CTNNA3: variants seen among roughly 807,000 people sequenced by gnomAD.
CTNNA3 encodes catenin alpha-3.
Under a neutral mutation model 95.7 loss-of-function variants are expected in CTNNA3, and 76 were observed. That is an observed-to-expected ratio of 0.79 (90% CI 0.66 to 0.96). The LOEUF is 0.96. CTNNA3 is among the 40% of genes least tolerant of loss of function. The pLI, the probability that CTNNA3 is intolerant of heterozygous loss-of-function variation, is 0.00. For missense variants in CTNNA3, 1,191 were observed against 1,089.8 expected, an observed-to-expected ratio of 1.09 and a Z score of -1.31; for synonymous variants, 431 against 374.4, an observed-to-expected ratio of 1.15 and a Z score of -1.74.
intron 7 of CTNNA3, among the ~76,000 whole-genome samples, chr10:66,930,648 T>C (rs1012428444): frequency 2.6e-5 from 4 of 152,166 alleles, no homozygotes; most frequent in African/African-American, 9.6e-5. Flanking sequence ...CTCAATGCCA[T>C]GGTGCTACTA....
intron 7 of CTNNA3, among the ~76,000 whole-genome samples, chr10:66,878,515 G>T (rs542548330): frequency 2.6e-5 from 4 of 152,224 alleles, no homozygotes; most frequent in Admixed American, 6.5e-5. Flanking sequence ...ACAAGAGTGG[G>T]CATGAACCAA....
In CTNNA3 at chr10:67,288,468, C is replaced by T. The variant is rs1839694007; in HGVS notation, c.580-68598G>A. Among the ~76,000 whole-genome samples the T allele has an allele frequency of 4.6e-5, 7 of 152,166 alleles. No individual in the cohort carries two copies. The South Asian group carries it at 1.2e-3, about 27-fold the overall frequency. ...TATAAGATGGATATCTTGTCAACTG[C>T]TAATCATAATATAAACAATGAATTT... On this transcript the variant is annotated intron_variant, in intron 5 of 17. Transcript: ENST00000433211.
chr10:66,065,106 T>C (rs1367203137), intron 15 of CTNNA3, among the ~76,000 whole-genome samples: 1 of 152,176 alleles, frequency 6.6e-6, no homozygotes, highest in East Asian at 1.9e-4. Context: ...ATGAAACTGA[T>C]GTACAGACTA....
chr10:66,860,777 G>T (rs1170234822), intron 7 of CTNNA3, among the ~76,000 whole-genome samples: 1 of 152,066 alleles, frequency 6.6e-6, no homozygotes, highest in Non-Finnish European at 1.5e-5. Context: ...CACAATCTAG[G>T]ATTGCATCTA....
intron 9 of CTNNA3, among the ~76,000 whole-genome samples, chr10:66,627,062 A>G (rs1564577809): frequency 6.6e-6 from 1 of 152,170 alleles, no homozygotes; most frequent in Non-Finnish European, 1.5e-5. Flanking sequence ...GTGAAAGTCT[A>G]AAAAAGAATG....
At chr10:66,908,405 C>A (rs1173719535) in intron 7 of CTNNA3, among the ~76,000 whole-genome samples, 1 of 152,132 alleles carries the variant, frequency 6.6e-6, no homozygotes, top group Non-Finnish European at 1.5e-5. Context: ...TATTTGTGGA[C>A]AAGGATCTCA....
chr10:67,389,141 T>A (rs1316751008), intron 5 of CTNNA3, among the ~76,000 whole-genome samples: 9 of 151,722 alleles, frequency 5.9e-5, no homozygotes, highest in Non-Finnish European at 1.2e-4. Context: ...TCAAGACCCA[T>A]CAGTGTGCTG....
intron 9 of CTNNA3, among the ~76,000 whole-genome samples, chr10:66,685,307 A>ATGTG (rs1425366133): frequency 9.9e-5 from 6 of 60,906 alleles, no homozygotes; most frequent in African/African-American, 5.8e-4. Context: ...GTGTATATAT[A>ATGTG]TGTGTGTGTG....
chr10:67,733,597 C>T (rs1228925635), intron 1 of CTNNA3, among the ~76,000 whole-genome samples: 1 of 152,182 alleles, frequency 6.6e-6, no homozygotes. Flanking sequence ...GCTGGATTCA[C>T]CATCCTTAGA....
intron 14 of CTNNA3, among the ~76,000 whole-genome samples, chr10:66,074,246 T>C (rs75400168): frequency 0.11 from 17,141 of 151,806 alleles, 1,160 homozygotes; most frequent in Non-Finnish European, 0.16. Flanking sequence ...TATATTTCTA[T>C]AAATTTATTC....
intron 2 of CTNNA3, among the ~76,000 whole-genome samples, chr10:67,624,421 C>T (rs1843957417): frequency 6.6e-6 from 1 of 152,146 alleles, no homozygotes; most frequent in African/African-American, 2.4e-5. Flanking sequence ...TCATTTACTA[C>T]ACCCCAAGTT....
intron 5 of CTNNA3, among the ~76,000 whole-genome samples, chr10:67,302,285 T>C (rs1360587386): frequency 1.3e-5 from 2 of 151,838 alleles, no homozygotes; most frequent in Admixed American, 1.3e-4. Flanking sequence ...GAATGGGGGA[T>C]TGGGGAGATG....
chr10:65,948,533 T>C (rs1048715026), intron 17 of CTNNA3, among the ~76,000 whole-genome samples: 21 of 150,214 alleles, frequency 1.4e-4, no homozygotes, highest in African/African-American at 4.4e-4. Flanking sequence ...CTTATTCCCC[T>C]ATGGTTGTCA....
intron 7 of CTNNA3, among the ~76,000 whole-genome samples, chr10:66,982,331 A>G (rs902480377): frequency 6.6e-6 from 1 of 152,186 alleles, no homozygotes; most frequent in African/African-American, 2.4e-5. Context: ...AAACAGAATT[A>G]GTTTCAAATA....
intron 7 of CTNNA3, among the ~76,000 whole-genome samples, chr10:66,977,205 G>T (rs1399492235): frequency 6.6e-6 from 1 of 152,046 alleles, no homozygotes; most frequent in African/African-American, 2.4e-5. Context: ...TTGGGAGGCC[G>T]AGGCAGGTGG....
chr10:67,574,845 T>TGCCA (rs1842094156), intron 3 of CTNNA3, among the ~76,000 whole-genome samples: 2 of 152,228 alleles, frequency 1.3e-5, no homozygotes, highest in South Asian at 4.1e-4. Flanking sequence ...CCTCCCAAAG[T>TGCCA]GTTGGGATTA....
intron 9 of CTNNA3, among the ~76,000 whole-genome samples, chr10:66,668,629 A>G (rs1306275692): frequency 6.6e-6 from 1 of 151,974 alleles, no homozygotes; most frequent in Non-Finnish European, 1.5e-5. Flanking sequence ...CCTGGCCAAC[A>G]TGGCAAAACC....
intron 7 of CTNNA3, among the ~76,000 whole-genome samples, chr10:66,825,833 C>T (rs1039617628): frequency 1.3e-4 from 20 of 152,106 alleles, no homozygotes; most frequent in Non-Finnish European, 2.9e-4. Flanking sequence ...AGCCAAAATG[C>T]TCTCCCAAAT....
At chr10:66,562,007 G>A (rs1842568963) in intron 10 of CTNNA3, among the ~76,000 whole-genome samples, 1 of 152,034 alleles carries the variant, frequency 6.6e-6, no homozygotes, top group Non-Finnish European at 1.5e-5. Flanking sequence ...GATAACAGGT[G>A]AGAGGTAACA....
Sources: allele counts gnomAD v4.1 joint callset (sites outside exome capture counted in the v4.1 genomes callset), GRCh38; gene constraint gnomAD v4.1.1; transcripts MANE v1.5; gene names NCBI Gene and HGNC (gene_info 2026-07-23, HGNC 2026-07-21).